The following SPTA1 variants were observed in gnomAD, a reference collection of about 807,000 sequenced individuals.
SPTA1 encodes spectrin alpha, erythrocytic 1.
A neutral mutation model predicts 324.7 loss-of-function variants in SPTA1; 177 were observed. The observed-to-expected ratio is 0.55, with a 90% CI of 0.48 to 0.62. The LOEUF is 0.62. SPTA1 is among the 20% of genes least tolerant of loss of function. The pLI is 0.00. For missense variants in SPTA1, 3,162 were observed against 2,883.6 expected, an observed-to-expected ratio of 1.10 and a Z score of -2.21; for synonymous variants, 1,195 against 1,041.3, an observed-to-expected ratio of 1.15 and a Z score of -2.84.
chr1:158,612,783 G>T, intron 51 of SPTA1, 34 bp downstream of exon 51: 1 of 1,612,448 alleles, frequency 6.2e-7, no homozygotes, highest in South Asian at 1.1e-5. Context: ...AAATTAGGAT[G>T]ACAGTGTAGT....
intron 39 of SPTA1, among the ~76,000 whole-genome samples, chr1:158,633,317 A>G (rs866506371): frequency 1.3e-5 from 2 of 152,190 alleles, no homozygotes; most frequent in African/African-American, 4.8e-5. Context: ...AAAACTTGGT[A>G]AAGGACATGA....
At chr1:158,662,612 TC>T in intron 17 of SPTA1, 89 bp downstream of exon 17, 1 of 1,581,606 alleles carries the variant, frequency 6.3e-7, no homozygotes, top group Non-Finnish European at 8.6e-7. Flanking sequence ...GAGCAAGCTT[TC>T]TAGACTCCAA....
Position 158,654,635 on chromosome 1 carries a change from T to A in SPTA1, c.3012A>T (p.Leu1004Phe). 6.2e-7 allele frequency: 1 copy of A among 1,613,788 alleles called. No homozygotes were observed. Among genetic ancestry groups the A allele is most frequent in the Non-Finnish European group, 8.5e-7 (1 of 1,179,934 alleles). ...CCTTATTGATGGAACTGAGCAGCGTTAAGACATCACCTTTCTTCATGGTGA... is the reference window on the plus strand; with the variant it reads ...CCTTATTGATGGAACTGAGCAGCGTAAAGACATCACCTTTCTTCATGGTGA... The part of the protein sequence containing the change: ...REVTMKKGDV[L>F]TLLSSINKDW... Residue 1004 changes from leucine to phenylalanine, a missense_variant, in exon 21 of 52, where the codon TTA becomes TTT. Transcript: ENST00000643759.
Position 158,657,781 on chromosome 1 carries a change from G to A in SPTA1, c.2588-87C>T, listed in dbSNP as rs1652933653. 5 of 1,372,182 alleles carry A rather than the reference G, an allele frequency of 3.6e-6. No homozygotes were observed. In the East Asian group the frequency reaches 1.1e-4, roughly 31 times the overall value. The allele number at this position is 1,372,182 out of a possible 1,614,324, so 85.0% of individuals were successfully genotyped here. On this transcript the variant is annotated intron_variant, in intron 18 of 51. Transcript: ENST00000643759. ...CTTTTGGTACCTTGGAAAAGAGAAA[G>A]GAAGTGATAAAAATGGTATGTTATT... is the stretch of plus-strand genomic sequence containing the variant.
At position 158,615,136 on chromosome 1, in the gene SPTA1, C is replaced by G. The variant is rs768642496; in HGVS notation, c.6788+80G>C. On this transcript the variant is annotated intron_variant, in intron 48 of 51. Coordinates refer to ENST00000643759, the MANE Select transcript of SPTA1 (RefSeq NM_003126.4). Reference sequence around the variant, plus strand: ...GAAGCAACTCTTTTATCTGGTGCACCAAACTCTCGCCCTTAGTTAAGGTCC... The same window carrying G: ...GAAGCAACTCTTTTATCTGGTGCACGAAACTCTCGCCCTTAGTTAAGGTCC... The G allele has an allele frequency of 1.7e-4, 260 of 1,545,444 alleles. No homozygotes were observed. In the Middle Eastern group the frequency reaches 2.1e-3, roughly 12 times the overall value.
rs747622565 is a variant in SPTA1 at position 158,645,402 on chromosome 1, G to A, written c.3997-17C>T. Reference sequence around the variant, plus strand: ...ACGGTGCTCCTGTGGGAAAAAGGGGGAAGAAATCAGTGAGGCCAACTCCAT... The same window carrying A: ...ACGGTGCTCCTGTGGGAAAAAGGGGAAAGAAATCAGTGAGGCCAACTCCAT... On this transcript the variant is annotated splice_polypyrimidine_tract_variant and intron_variant, in intron 28 of 51. Coordinates refer to ENST00000643759, the MANE Select transcript of SPTA1 (RefSeq NM_003126.4). The A allele has an allele frequency of 5.0e-6, 8 of 1,613,944 alleles. No individual in the cohort carries two copies. The highest frequency in any genetic ancestry group is 3.3e-5 in the South Asian group (3 of 91,076).
intron 42 of SPTA1, among the ~76,000 whole-genome samples, chr1:158,623,772 T>C (rs1269835329): frequency 6.6e-6 from 1 of 152,222 alleles, no homozygotes; most frequent in Non-Finnish European, 1.5e-5. Context: ...ATTAGCAGTG[T>C]GAGAACAGAC....
intron 35 of SPTA1, among the ~76,000 whole-genome samples, chr1:158,638,745 C>CAAAAA (rs34072412): frequency 7.6e-5 from 7 of 92,206 alleles, no homozygotes; most frequent in African/African-American, 3.0e-4. Context: ...GAGCTGGTAC[C>CAAAAA]AAAAAAAAAA....
At chr1:158,627,796 C>T (rs1421825018) in intron 39 of SPTA1, 73 bp from the exon 40 acceptor site, 100 of 1,424,292 alleles carry the variant, frequency 7.0e-5, no homozygotes, top group East Asian at 3.0e-4. Context: ...TTCAGACTCA[C>T]GGGTCTATTA....
chr1:158,647,770 C>G lies in SPTA1; in HGVS notation c.3715-50G>C, dbSNP rs779102518. ...AATCAGCCTAGAGACACACCTGAAT[C>G]TTAGCAAAAGGAGAATCCTGAGTCC... On this transcript the variant is annotated intron_variant, in intron 26 of 51. Transcript: ENST00000643759. 1.1e-5 allele frequency: 17 copies of G among 1,605,646 alleles called. No homozygotes were observed. In the East Asian group the frequency reaches 3.8e-4, roughly 36 times the overall value.
At chr1:158,659,254 A>T (rs1241992123) in intron 18 of SPTA1, among the ~76,000 whole-genome samples, 1 of 152,186 alleles carries the variant, frequency 6.6e-6, no homozygotes, top group Admixed American at 6.5e-5. Context: ...ATCTTATATT[A>T]AACATGAAAT....
rs768548401 is a variant in SPTA1, at chr1:158,620,365, G to C, written c.6222C>G (p.Ser2074=). Residue 2074 remains serine, a synonymous_variant, in exon 44 of 52, where the codon TCC becomes TCG. Transcript: ENST00000643759. ...ENLSEPVHCV[S]LNEIRQLQKD... ...TCTGCAGCTGCCGAATTTCATTCAG[G>C]GAGACACAGTGCACAGGCTCTGACA... is the stretch of plus-strand genomic sequence containing the variant. 6.2e-7 allele frequency: 1 copy of C among 1,613,912 alleles called. No individual in the cohort carries two copies. The highest frequency in any genetic ancestry group is 1.7e-5 in the Admixed American group (1 of 59,998).
intron 26 of SPTA1, among the ~76,000 whole-genome samples, chr1:158,648,298 G>A (rs1652147752): frequency 6.6e-6 from 1 of 152,182 alleles, no homozygotes; most frequent in African/African-American, 2.4e-5. Context: ...GACAGCAGGA[G>A]TTTAACAAGT....
intron 1 of SPTA1, 104 bp from the exon 2 acceptor site, chr1:158,685,451 A>T (rs1655108803): frequency 2.0e-6 from 3 of 1,518,182 alleles, no homozygotes; most frequent in African/African-American, 1.4e-5. Context: ...CTATATTCAG[A>T]TATCCTGAAG....
In SPTA1 at chr1:158,668,031, T is replaced by C; in HGVS notation, c.1865A>G (p.Lys622Arg). 3 of 1,613,036 alleles carry C rather than the reference T, an allele frequency of 1.9e-6. No individual in the cohort carries two copies. The highest frequency in any genetic ancestry group is 2.2e-5 in the South Asian group (2 of 91,040). Residue 622 changes from lysine to arginine, a missense_variant, in exon 15 of 52, where the codon AAG becomes AGG. Transcript: ENST00000643759. ...CAACTCCTTTTCAAAGACTTGCTGCTTTTGAACCCTGCTCTTCAAGTTCTG... is the reference window on the plus strand; with the variant it reads ...CAACTCCTTTTCAAAGACTTGCTGCCTTTGAACCCTGCTCTTCAAGTTCTG... ...DIQNLKSRVQ[K>R]QQVFEKELAV...
At chr1:158,645,736 G>T in intron 27 of SPTA1, 142 bp from the exon 28 acceptor site, 1 of 860,708 alleles carries the variant, frequency 1.2e-6, no homozygotes, top group Non-Finnish European at 1.9e-6. Context: ...CAGATCTTAC[G>T]TTTGCTGTTT....
At chr1:158,675,932 G>A (rs1654360875) in intron 8 of SPTA1, among the ~76,000 whole-genome samples, 1 of 152,102 alleles carries the variant, frequency 6.6e-6, no homozygotes, top group South Asian at 2.1e-4. Flanking sequence ...GTTGACTGCT[G>A]GTAACTGAAA....
intron 18 of SPTA1, among the ~76,000 whole-genome samples, chr1:158,659,461 A>G (rs905677451): frequency 6.6e-6 from 1 of 152,002 alleles, no homozygotes; most frequent in Admixed American, 6.6e-5. Flanking sequence ...AGAAGCTTTG[A>G]AAGAAAAGAA....
intron 12 of SPTA1, 125 bp from the exon 13 acceptor site, chr1:158,669,911 G>A: frequency 1.1e-6 from 1 of 870,412 alleles, no homozygotes; most frequent in Non-Finnish European, 1.9e-6. Context: ...AAGGCCAGCA[G>A]ATGTAAGTCC....
Sources: allele counts gnomAD v4.1 joint callset (sites outside exome capture counted in the v4.1 genomes callset), GRCh38; gene constraint gnomAD v4.1.1; transcripts MANE v1.5; gene names NCBI Gene and HGNC (gene_info 2026-07-23, HGNC 2026-07-21).